Variants in ATG16L1 observed in about 807,000 individuals in gnomAD.
ATG16L1 encodes autophagy-related protein 16-1.
In ATG16L1, 37 loss-of-function variants were observed where a neutral mutation model predicts 88.5. The observed-to-expected ratio is 0.42, with a 90% confidence interval of 0.32 to 0.55. The LOEUF (loss-of-function observed/expected upper bound fraction) is 0.55. Among genes scored for constraint, ATG16L1 ranks in the 20% least tolerant of loss-of-function variants. The pLI, the probability that ATG16L1 is intolerant of heterozygous loss-of-function variation, is 0.13. For synonymous variants in ATG16L1, 301 were observed against 281.0 expected, an observed-to-expected ratio of 1.07 and a Z score of -0.71; for missense variants, 554 against 752.8, an observed-to-expected ratio of 0.74 and a Z score of 3.09.
At chr2:233,253,923 A>G (rs547245889) in intron 1 of ATG16L1, among the ~76,000 whole-genome samples, 5 of 152,328 alleles carry the variant, frequency 3.3e-5, no homozygotes, top group African/African-American at 9.6e-5. Flanking sequence ...TTAAAAGCTA[A>G]TATCCTTTGA....
intron 10 of ATG16L1, among the ~76,000 whole-genome samples, chr2:233,278,354 C>G (rs925071150): frequency 6.6e-6 from 1 of 152,148 alleles, no homozygotes; most frequent in Non-Finnish European, 1.5e-5. Context: ...TGTATTTTTA[C>G]TAAAGTAAGG....
chr2:233,284,572 TC>T (rs1698950805), intron 12 of ATG16L1, among the ~76,000 whole-genome samples: 1 of 152,160 alleles, frequency 6.6e-6, no homozygotes, highest in Admixed American at 6.5e-5. Flanking sequence ...GACCTCGTGA[TC>T]CACCTGCCTC....
chr2:233,252,100 G>GT (rs1696413771), intron 1 of ATG16L1, among the ~76,000 whole-genome samples, 158 bp downstream of exon 1: 1 of 152,198 alleles, frequency 6.6e-6, no homozygotes, highest in South Asian at 2.1e-4. Context: ...CCTTTTAAAT[G>GT]TTTTTTCTAA....
chr2:233,257,255 T>C (rs1309978470), intron 2 of ATG16L1, among the ~76,000 whole-genome samples: 1 of 152,056 alleles, frequency 6.6e-6, no homozygotes, highest in Non-Finnish European at 1.5e-5. Context: ...GGTCTTGATA[T>C]CCTGACCTCG....
chr2:233,273,075 G>T, intron 7 of ATG16L1, 23 bp downstream of exon 7: 1 of 1,598,282 alleles, frequency 6.3e-7, no homozygotes, highest in South Asian at 1.1e-5. Flanking sequence ...GTTTGGGCCA[G>T]GGAAAAGACA....
At chr2:233,253,343 T>TTTTTG (rs1696537988) in intron 1 of ATG16L1, among the ~76,000 whole-genome samples, 1 of 129,528 alleles carries the variant, frequency 7.7e-6, no homozygotes, top group Non-Finnish European at 1.7e-5. Flanking sequence ...TTTTTTTGTT[T>TTTTTG]TTTTTTTTTT....
chr2:233,292,033 G>A lies in ATG16L1; in HGVS notation c.1431-95G>A, dbSNP rs912390381. On this transcript the variant is annotated intron_variant, in intron 14 of 17. Transcript: ENST00000392017. Reference sequence around the variant, plus strand: ...TGACTGCGCTGGCAGAGCGTTGCATGCTAGTTGAATTGCAGTGCCTTTTTT... The same window carrying A: ...TGACTGCGCTGGCAGAGCGTTGCATACTAGTTGAATTGCAGTGCCTTTTTT... 4.2e-6 allele frequency: 6 copies of A among 1,434,446 alleles called. No individual in the cohort carries two copies. In the African/African-American group the frequency reaches 7.1e-5, roughly 17 times the overall value. 88.9% of individuals were successfully genotyped at this position (1,434,446 alleles called of 1,614,324 possible).
rs1300058481 is a variant in ATG16L1 at position 233,277,792 on chromosome 2, C to G, written c.1060+119C>G. 12 of 810,170 alleles carry G rather than the reference C, an allele frequency of 1.5e-5. 1 individual carries two copies. Among genetic ancestry groups the G allele is most frequent in the South Asian group, 7.6e-5 (5 of 65,558 alleles). 50.2% of individuals were successfully genotyped at this position (810,170 alleles called of 1,614,324 possible). The stretch of plus-strand genomic sequence containing the variant: ...TTGCTTTCAGGCACTGTGAATTGTT[C>G]ATTTTCTCAAAACATACATTTTATG... On this transcript the variant is annotated intron_variant, in intron 10 of 17. Coordinates refer to ENST00000392017, the MANE Select transcript of ATG16L1 (RefSeq NM_030803.7).
intron 10 of ATG16L1, among the ~76,000 whole-genome samples, chr2:233,278,485 C>G (rs1442354349): frequency 6.6e-6 from 1 of 152,098 alleles, no homozygotes; most frequent in Non-Finnish European, 1.5e-5. Context: ...CTGTTAATTC[C>G]CCTGATCATC....
intron 12 of ATG16L1, among the ~76,000 whole-genome samples, chr2:233,286,643 T>TTTTG (rs1553608374): frequency 3.2e-4 from 45 of 138,956 alleles, no homozygotes; most frequent in African/African-American, 9.5e-4. Context: ...TTTTTTTTTT[T>TTTTG]GAGACAGTGT....
At chr2:233,255,963 CA>C (rs1214233962) in intron 1 of ATG16L1, 138 bp from the exon 2 acceptor site, 5 of 641,188 alleles carry the variant, frequency 7.8e-6, no homozygotes, top group African/African-American at 1.9e-5. Flanking sequence ...GACATTCTTG[CA>C]GGTGATTCTG....
At chr2:233,254,522 G>A (rs555623565) in intron 1 of ATG16L1, among the ~76,000 whole-genome samples, 5 of 152,284 alleles carry the variant, frequency 3.3e-5, no homozygotes, top group African/African-American at 9.6e-5. Flanking sequence ...GAAAGAAGCC[G>A]TAGGGGGAGG....
chr2:233,271,689 G>A (rs146472172), intron 6 of ATG16L1, among the ~76,000 whole-genome samples: 3 of 152,320 alleles, frequency 2.0e-5, no homozygotes, highest in East Asian at 1.9e-4. Flanking sequence ...TTGTGGTCCC[G>A]GGCCTAAGCA....
intron 7 of ATG16L1, 93 bp from the exon 8 acceptor site, chr2:233,273,628 A>G (rs1283526687): frequency 1.6e-6 from 2 of 1,218,046 alleles, no homozygotes; most frequent in African/African-American, 1.5e-5. Context: ...TGGGAAACAT[A>G]TTCCCAGTTA....
Position 233,274,065 on chromosome 2 carries a change from T to C in ATG16L1, c.851+288T>C, listed in dbSNP as rs548086211. 5.0e-5 allele frequency: 77 copies of C among 1,546,094 alleles called. No individual in the cohort carries two copies. The African/African-American group carries it at 1.0e-3, about 20-fold the overall frequency. ...AGGTGAAACTATTATCCTCTCTTAG[T>C]CCAGCATGTGAGTGTGGGTCCTTAA... On this transcript the variant is annotated intron_variant, in intron 8 of 17. Coordinates refer to ENST00000392017, the MANE Select transcript of ATG16L1 (RefSeq NM_030803.7).
chr2:233,276,864 T>C (rs1698411027), intron 9 of ATG16L1, among the ~76,000 whole-genome samples: 1 of 152,238 alleles, frequency 6.6e-6, no homozygotes, highest in Non-Finnish European at 1.5e-5. Flanking sequence ...GAAATTTCCC[T>C]GTGAAGAATA....
At chr2:233,283,555 T>C (rs1359589679) in intron 12 of ATG16L1, among the ~76,000 whole-genome samples, 1 of 151,996 alleles carries the variant, frequency 6.6e-6, no homozygotes, top group Non-Finnish European at 1.5e-5. Flanking sequence ...GATGAATTTT[T>C]TTTCTTTTTT....
intron 2 of ATG16L1, among the ~76,000 whole-genome samples, chr2:233,259,586 A>T (rs1365039587): frequency 6.6e-6 from 1 of 152,050 alleles, no homozygotes; most frequent in African/African-American, 2.4e-5. Flanking sequence ...AAGTGATGAA[A>T]AGCAGGCAAG....
rs548817522 is a variant in ATG16L1 at position 233,281,111 on chromosome 2, G to C, written c.1067G>C (p.Cys356Ser). The change falls in exon 11 of 18, where the codon TGT becomes TCT. Residue 356 changes from cysteine (C) to serine (S), a missense_variant. Physicochemically the swap from Cys to Ser is moderately radical, Grantham distance 112. Transcript: ENST00000392017. The stretch of plus-strand genomic sequence containing the variant: ...ATTTTTTCTTTTTATACAGAAAAAT[G>C]TGAGTTCAAGGGTTCCCTATCTGGC... ...VKLWEVFGEK[C>S]EFKGSLSGSN... 6.3e-7 allele frequency: 1 copy of C among 1,594,216 alleles called. No homozygotes were observed. The highest frequency in any genetic ancestry group is 1.2e-5 in the South Asian group (1 of 86,834).
Sources: allele counts gnomAD v4.1 joint callset (sites outside exome capture counted in the v4.1 genomes callset), GRCh38; gene constraint gnomAD v4.1.1; transcripts MANE v1.5; gene names NCBI Gene and HGNC (gene_info 2026-07-23, HGNC 2026-07-21).